SCRG1: variants seen among roughly 807,000 people sequenced by gnomAD.
SCRG1 encodes scrapie-responsive protein 1.
In SCRG1, 3 loss-of-function variants were observed where a neutral mutation model predicts 7.7. That is an observed-to-expected ratio of 0.39 (90% confidence interval 0.18 to 1.01). The LOEUF is 1.01. SCRG1 is among the 50% of genes least tolerant of loss of function. The pLI is 0.36. For synonymous variants in SCRG1, 46 were observed against 41.2 expected (o/e 1.12, Z -0.44); for missense variants, 110 against 117.2 (o/e 0.94, Z 0.28).
chr4:173,461,734 G>A, the SCRG1 span, among the ~76,000 whole-genome samples: 23 of 151,980 alleles, frequency 1.5e-4, no homozygotes, highest in Admixed American at 1.4e-3. Context: ...ACCAGGGACC[G>A]ATCCTGGAGA....
At chr4:173,468,863 T>C in the SCRG1 span, 1 of 152,196 alleles carries the variant, frequency 6.6e-6, no homozygotes, top group Non-Finnish European at 1.5e-5. Flanking sequence ...AATCAAGGAC[T>C]GAGTCTTATC....
chr4:173,471,240 C>T, the SCRG1 span, among the ~76,000 whole-genome samples: 1 of 152,086 alleles, frequency 6.6e-6, no homozygotes, highest in Non-Finnish European at 1.5e-5. Flanking sequence ...AGGGTAGTTT[C>T]CTAATAAATA....
At chr4:173,463,882 T>C in the SCRG1 span, among the ~76,000 whole-genome samples, 1 of 152,058 alleles carries the variant, frequency 6.6e-6, no homozygotes, top group Non-Finnish European at 1.5e-5. Context: ...TTCTATCCAG[T>C]GGATCAATCA....
the SCRG1 span, among the ~76,000 whole-genome samples, chr4:173,476,363 A>G: frequency 1.0e-5 from 1 of 98,482 alleles, no homozygotes; most frequent in African/African-American, 3.1e-5. Flanking sequence ...GGAAAAAAAA[A>G]ATATATATAT....
At chr4:173,397,337 T>A (rs905889781) in intron 1 of SCRG1, among the ~76,000 whole-genome samples, 68 of 152,152 alleles carry the variant, frequency 4.5e-4, no homozygotes, top group African/African-American at 1.6e-3. Flanking sequence ...TTTTTTTTCT[T>A]TTTCAGTTGA....
the SCRG1 span, among the ~76,000 whole-genome samples, chr4:173,509,078 C>A: frequency 0.13 from 20,124 of 152,156 alleles, 1,643 homozygotes; most frequent in African/African-American, 0.22. This position sits in a 1 kb window ranked among gnomAD's most constrained non-coding sequence, Gnocchi z 5.7. Context: ...ACACACCCCA[C>A]TGCATATTAT....
In SCRG1 at chr4:173,388,319, T is replaced by C. The variant is rs755366714; in HGVS notation, c.*22A>G. ...GTTTGTGGGAAATCAGGAATGGTGT[T>C]CTCCAGAATACATGAAGATTCTCAT... On this transcript the variant is annotated 3_prime_UTR_variant, in exon 3 of 3. Coordinates refer to ENST00000296506, the MANE Select transcript of SCRG1 (RefSeq NM_007281.4). The C allele has an allele frequency of 3.0e-5, 48 of 1,592,904 alleles. No individual in the cohort carries two copies. In the Middle Eastern group the frequency reaches 1.3e-3, roughly 44 times the overall value.
chr4:173,466,048 C>A, the SCRG1 span, among the ~76,000 whole-genome samples: 20 of 152,154 alleles, frequency 1.3e-4, 1 homozygote, highest in South Asian at 3.9e-3. Context: ...AATCCCCTTC[C>A]CCTTGGTTTA....
the SCRG1 span, among the ~76,000 whole-genome samples, chr4:173,451,627 TTACTTATTTTATTTA>T: frequency 2.1e-4 from 5 of 24,310 alleles, no homozygotes; most frequent in African/African-American, 3.6e-4. Flanking sequence ...TTTATTTTAC[TTACTTATTTTATTTA>T]TTTATTTATT....
chr4:173,504,498 A>G, the SCRG1 span, among the ~76,000 whole-genome samples: 1 of 152,252 alleles, frequency 6.6e-6, no homozygotes, highest in African/African-American at 2.4e-5. This position sits in a 1 kb window ranked among gnomAD's most constrained non-coding sequence, Gnocchi z 4.7. Flanking sequence ...AAAGAAGCTC[A>G]GAAATATTGA....
At chr4:173,451,891 G>A in the SCRG1 span, among the ~76,000 whole-genome samples, 1 of 152,054 alleles carries the variant, frequency 6.6e-6, no homozygotes, top group Non-Finnish European at 1.5e-5. Flanking sequence ...TATGTGTGTT[G>A]AACAAGAGGT....
the SCRG1 span, among the ~76,000 whole-genome samples, chr4:173,483,158 T>TATATAAC: frequency 3.9e-5 from 4 of 103,054 alleles, no homozygotes; most frequent in East Asian, 8.7e-4. Flanking sequence ...ACATATGAAA[T>TATATAAC]ATATAACATA....
At chr4:173,485,378 C>G in the SCRG1 span, among the ~76,000 whole-genome samples, 1 of 149,372 alleles carries the variant, frequency 6.7e-6, no homozygotes, top group African/African-American at 2.5e-5. Flanking sequence ...AACACATGGC[C>G]CAGCTGACAG....
At chr4:173,505,619 C>G in the SCRG1 span, among the ~76,000 whole-genome samples, 1 of 152,192 alleles carries the variant, frequency 6.6e-6, no homozygotes, top group African/African-American at 2.4e-5. The surrounding 1 kb of genome is among the most constrained non-coding windows in gnomAD (Gnocchi z 4.4). Context: ...GGCCCGAACA[C>G]TCCTTTCTTG....
upstream of SCRG1, among the ~76,000 whole-genome samples, chr4:173,409,011 A>G (rs113597084): frequency 9.8e-5 from 14 of 143,286 alleles, no homozygotes; most frequent in Admixed American, 4.7e-4. Flanking sequence ...AAAAAAAAAA[A>G]AAAGAAAAGA....
At chr4:173,505,273 T>C in the SCRG1 span, among the ~76,000 whole-genome samples, 2 of 152,122 alleles carry the variant, frequency 1.3e-5, no homozygotes, top group African/African-American at 2.4e-5. The surrounding 1 kb of genome is among the most constrained non-coding windows in gnomAD (Gnocchi z 4.4). Context: ...CTTTCAGGAC[T>C]CTTTAACAAC....
the SCRG1 span, among the ~76,000 whole-genome samples, chr4:173,509,194 G>A: frequency 6.6e-6 from 1 of 152,176 alleles, no homozygotes; most frequent in African/African-American, 2.4e-5. This position sits in a 1 kb window ranked among gnomAD's most constrained non-coding sequence, Gnocchi z 5.7. Context: ...AAGCTCCAGG[G>A]CCTACTTTTG....
the SCRG1 span, among the ~76,000 whole-genome samples, chr4:173,508,384 C>T: frequency 6.6e-6 from 1 of 152,158 alleles, no homozygotes; most frequent in African/African-American, 2.4e-5. This position sits in a 1 kb window ranked among gnomAD's most constrained non-coding sequence, Gnocchi z 4.4. Context: ...CCAACTAACT[C>T]CAGATCGAGA....
rs946185375 is a variant in SCRG1 at position 173,391,447 on chromosome 4, C to A, written c.-14-19G>T. ...TTTGGCCCTGAAATAGAAGAAAGAC[C>A]AAAATGTGTCAATGTTTGTTTTTTA... On this transcript the variant is annotated intron_variant, in intron 1 of 2. Coordinates refer to ENST00000296506, the MANE Select transcript of SCRG1 (RefSeq NM_007281.4). The A allele has an allele frequency of 1.9e-6, 3 of 1,611,290 alleles. No homozygotes were observed. In the African/African-American group the frequency reaches 4.0e-5, roughly 22 times the overall value.
Sources: gnomAD v4.1 joint callset for allele counts (sites outside exome capture counted in the v4.1 genomes callset) on GRCh38, gnomAD v4.1.1 for gene constraint, Gnocchi (gnomAD v3.1) non-coding constraint, MANE v1.5 for transcripts, NCBI Gene and HGNC (gene_info 2026-07-23, HGNC 2026-07-21) for gene names.